The following SETBP1 variants were observed in gnomAD, a reference collection of about 807,000 sequenced individuals.
SETBP1 encodes the protein SET binding protein 1.
In SETBP1, 9 loss-of-function variants were observed where a neutral mutation model predicts 101.0. The observed-to-expected ratio is 0.09, with a 90% CI of 0.05 to 0.16. The LOEUF (loss-of-function observed/expected upper bound fraction) is 0.16, where lower values mean the gene tolerates loss of function less well. Among genes scored for constraint, SETBP1 ranks in the 10% least tolerant of loss-of-function variants. SETBP1 has a pLI of 1.00. For synonymous variants in SETBP1, 818 were observed against 788.5 expected, an observed-to-expected ratio of 1.04 and a Z score of -0.63; for missense variants, 1,858 against 2,033.8, an observed-to-expected ratio of 0.91 and a Z score of 1.66.
chr18:44,752,234 A>G (rs879709423), intron 2 of SETBP1, among the ~76,000 whole-genome samples: 1 of 152,370 alleles, frequency 6.6e-6, no homozygotes, highest in Admixed American at 6.5e-5. Flanking sequence ...TACCAATTAT[A>G]GAGTGAGACA....
chr18:45,003,828 G>C (rs1365879926), intron 4 of SETBP1, among the ~76,000 whole-genome samples: 3 of 152,168 alleles, frequency 2.0e-5, no homozygotes, highest in East Asian at 3.9e-4. Context: ...ATTCCAGGAA[G>C]GGTGACATTT....
intron 2 of SETBP1, among the ~76,000 whole-genome samples, chr18:44,859,457 C>G (rs139716974): frequency 1.3e-5 from 2 of 152,252 alleles, no homozygotes; most frequent in African/African-American, 4.8e-5. Flanking sequence ...TCATGGATGG[C>G]TGAGACAGAG....
intron 4 of SETBP1, among the ~76,000 whole-genome samples, chr18:44,996,403 G>C (rs73952942): frequency 6.6e-6 from 1 of 152,306 alleles, no homozygotes; most frequent in African/African-American, 2.4e-5. Context: ...GGCAGAGCCA[G>C]CTTTCTCTCC....
chr18:44,744,785 A>AC lies in SETBP1; in HGVS notation c.486+42953_486+42954insC, dbSNP rs933839232. On this transcript the variant is annotated intron_variant, in intron 2 of 5. Coordinates refer to ENST00000649279, the MANE Select transcript of SETBP1 (RefSeq NM_015559.3). ...CCCTCCTCTTAAAAAAAAAAAAACA[A>AC]AAAAAAAAACGCTTTCTTCGTGCTT... Among the ~76,000 whole-genome samples the AC allele has an allele frequency of 2.9e-3, 428 of 146,708 alleles. 1 individual carries two copies. The highest frequency in any genetic ancestry group is 3.7e-3 in the Non-Finnish European group (250 of 67,028).
At chr18:45,013,887 T>G (rs886909355) in intron 4 of SETBP1, among the ~76,000 whole-genome samples, 1 of 152,212 alleles carries the variant, frequency 6.6e-6, no homozygotes, top group South Asian at 2.1e-4. Flanking sequence ...TGTTTTTAAA[T>G]TTACTTTCAG....
At chr18:44,737,316 C>T (rs991529700) in intron 2 of SETBP1, among the ~76,000 whole-genome samples, 1 of 152,158 alleles carries the variant, frequency 6.6e-6, no homozygotes, top group Non-Finnish European at 1.5e-5. Context: ...GGACTGGTGT[C>T]TGAGGTGAGT....
chr18:45,016,962 A>AT, intron 4 of SETBP1, among the ~76,000 whole-genome samples: 1 of 151,844 alleles, frequency 6.6e-6, no homozygotes. Flanking sequence ...TCATCTTTTA[A>AT]TTTTTCCCCC....
chr18:44,783,444 A>G (rs1347154066), intron 2 of SETBP1, among the ~76,000 whole-genome samples: 3 of 152,226 alleles, frequency 2.0e-5, no homozygotes, highest in African/African-American at 7.2e-5. Context: ...GGCAGATTTC[A>G]TAAATCATCA....
intron 2 of SETBP1, among the ~76,000 whole-genome samples, chr18:44,862,487 C>A (rs2069035982): frequency 6.6e-6 from 1 of 152,016 alleles, no homozygotes; most frequent in African/African-American, 2.4e-5. Context: ...GGGAAACCAC[C>A]CCCGCGGTCT....
chr18:44,998,665 C>T (rs1599429335), intron 4 of SETBP1, among the ~76,000 whole-genome samples: 1 of 152,208 alleles, frequency 6.6e-6, no homozygotes, highest in Admixed American at 6.5e-5. Flanking sequence ...TTCTGCCCTC[C>T]TGTCTGTGCT....
intron 3 of SETBP1, among the ~76,000 whole-genome samples, chr18:44,931,046 G>A (rs2070821962): frequency 1.3e-5 from 2 of 152,108 alleles, no homozygotes; most frequent in African/African-American, 4.8e-5. Flanking sequence ...GTCAATTTTA[G>A]ATCTTTCCTG....
chr18:45,016,737 A>G (rs774663835), intron 4 of SETBP1, among the ~76,000 whole-genome samples: 23,547 of 127,910 alleles, frequency 0.18, 2,022 homozygotes, highest in East Asian at 0.4. Flanking sequence ...GCGCGCACAC[A>G]CACACACACA....
chr18:45,000,233 G>T (rs753447405), intron 4 of SETBP1, among the ~76,000 whole-genome samples: 6 of 152,110 alleles, frequency 3.9e-5, no homozygotes, highest in African/African-American at 7.3e-5. Flanking sequence ...GGCTGGTCTT[G>T]GTTATTAGGC....
chr18:44,819,072 G>A (rs1366423781), intron 2 of SETBP1, among the ~76,000 whole-genome samples: 1 of 151,972 alleles, frequency 6.6e-6, no homozygotes, highest in Non-Finnish European at 1.5e-5. Context: ...TAGTTGCACA[G>A]CTTTTTATGT....
At chr18:45,030,205 G>C (rs1234934254) in intron 4 of SETBP1, among the ~76,000 whole-genome samples, 1 of 136,266 alleles carries the variant, frequency 7.3e-6, no homozygotes, top group Non-Finnish European at 1.6e-5. Context: ...AATTTATTGA[G>C]AGTTTTTAGC....
At chr18:45,021,163 A>T (rs996958222) in intron 4 of SETBP1, among the ~76,000 whole-genome samples, 1 of 152,256 alleles carries the variant, frequency 6.6e-6, no homozygotes, top group Non-Finnish European at 1.5e-5. Flanking sequence ...ATCACAACAC[A>T]TATCAATTCA....
At chr18:44,713,623 AG>A (rs2069394530) in intron 2 of SETBP1, among the ~76,000 whole-genome samples, 1 of 152,196 alleles carries the variant, frequency 6.6e-6, no homozygotes, top group Non-Finnish European at 1.5e-5. Context: ...CCTCTGTTCT[AG>A]ACACAGTATC....
chr18:45,027,605 T>C lies in SETBP1; in HGVS notation c.4001-10880T>C, dbSNP rs2073194888. Among the ~76,000 whole-genome samples, 4 of 152,214 alleles carry C rather than the reference T, an allele frequency of 2.6e-5. No homozygotes were observed. The South Asian group carries it at 6.2e-4, about 24-fold the overall frequency. ...GTAGGGGACGCACTTAACTTTAACA[T>C]ATGTAAGAAATAAGTTTAAAATGAG... On this transcript the variant is annotated intron_variant, in intron 4 of 5. Coordinates refer to ENST00000649279, the MANE Select transcript of SETBP1 (RefSeq NM_015559.3).
intron 3 of SETBP1, among the ~76,000 whole-genome samples, chr18:44,873,757 T>A (rs1266434123): frequency 6.6e-6 from 1 of 152,176 alleles, no homozygotes; most frequent in African/African-American, 2.4e-5. Flanking sequence ...AATAATAGGT[T>A]TTTTTAAAGT....
Sources: allele counts gnomAD v4.1 joint callset (sites outside exome capture counted in the v4.1 genomes callset), GRCh38; gene constraint gnomAD v4.1.1; transcripts MANE v1.5; gene names NCBI Gene and HGNC (gene_info 2026-07-23, HGNC 2026-07-21).